H2AJ: variants seen among roughly 807,000 people sequenced by gnomAD.
The protein encoded by H2AJ is H2A.J histone.
H2AJ carries 3 observed loss-of-function variants against 7.9 expected under a neutral mutation model. The observed-to-expected ratio is 0.38, with a 90% confidence interval of 0.17 to 0.98. The LOEUF (loss-of-function observed/expected upper bound fraction) is 0.98, where lower values mean the gene tolerates loss of function less well. Among genes scored for constraint, H2AJ ranks in the 50% least tolerant of loss-of-function variants. The pLI, the probability that H2AJ is intolerant of heterozygous loss-of-function variation, is 0.39. For synonymous variants in H2AJ, 98 were observed against 85.7 expected (o/e 1.14, Z -0.79); for missense variants, 128 against 174.4 (o/e 0.73, Z 1.50).
At chr12:14,776,671 T>C (rs1289327969), downstream of H2AJ, 1 of 167,102 alleles carries the variant, frequency 6.0e-6, no homozygotes, top group Admixed American at 6.5e-5. Context: ...TTTATCCTTA[T>C]AGGTTAAATT....
downstream of H2AJ, chr12:14,775,174 G>A (rs1003914293): frequency 2.0e-6 from 1 of 489,414 alleles, no homozygotes; most frequent in Non-Finnish European, 4.1e-6. Context: ...AGGCGTCAGG[G>A]GAGGGTGGCC....
At chr12:14,775,470 C>A, downstream of H2AJ, 1 of 470,644 alleles carries the variant, frequency 2.1e-6, no homozygotes, top group Non-Finnish European at 4.4e-6. Context: ...TTCTTCCTAG[C>A]CTAGTAGCTG....
In H2AJ at chr12:14,774,548, C is replaced by T. The variant is rs767886786; in HGVS notation, c.78C>T (p.Phe26=). The change falls in exon 1 of 1, where the codon TTC becomes TTT. Residue 26 remains phenylalanine (F), a synonymous_variant. Transcript: ENST00000544848. ...GCTCCTCCCGCGCGGGCCTGCAGTT[C>T]CCGGTGGGCCGAGTGCACAGACTGC... ...KSRSSRAGLQ[F]PVGRVHRLLR... 6 of 1,612,974 alleles carry T rather than the reference C, an allele frequency of 3.7e-6. No homozygotes were observed. Among genetic ancestry groups the T allele is most frequent in the Non-Finnish European group, 5.1e-6 (6 of 1,179,540 alleles).
At chr12:14,775,677 G>T, downstream of H2AJ, 1 of 312,472 alleles carries the variant, frequency 3.2e-6, no homozygotes, top group Non-Finnish European at 6.6e-6. Flanking sequence ...ATGTTGTCAA[G>T]TTTCTAGCTT....
rs1949605721 is a variant in H2AJ, at chr12:14,774,653, G to A, written c.183G>A (p.Ala61=). The A allele has an allele frequency of 3.7e-6, 6 of 1,614,170 alleles. No homozygotes were observed. Among genetic ancestry groups the A allele is most frequent in the Non-Finnish European group, 5.1e-6 (6 of 1,180,032 alleles). ...CGGCGGTGTTGGAGTACCTTACGGC[G>A]GAGATCCTGGAGCTGGCTGGCAACG... is the stretch of plus-strand genomic sequence containing the variant. ...YLAAVLEYLT[A]EILELAGNAA... The change falls in exon 1 of 1, where the codon GCG becomes GCA. Residue 61 remains alanine, a synonymous_variant. Coordinates refer to ENST00000544848, the MANE Select transcript of H2AJ (RefSeq NM_177925.5).
chr12:14,774,877 A>G lies in H2AJ; in HGVS notation c.*17A>G. 6.2e-7 allele frequency: 1 copy of G among 1,610,212 alleles called. No homozygotes were observed. The highest frequency in any genetic ancestry group is 8.5e-7 in the Non-Finnish European group (1 of 1,177,964). Reference sequence around the variant, plus strand: ...AGCAAATGACCCTGACGCCGCCCTCAGGGAGCTGGCTCCCCCAGCAAAGGC... The same window carrying G: ...AGCAAATGACCCTGACGCCGCCCTCGGGGAGCTGGCTCCCCCAGCAAAGGC... On this transcript the variant is annotated 3_prime_UTR_variant, in exon 1 of 1. Coordinates refer to ENST00000544848, the MANE Select transcript of H2AJ (RefSeq NM_177925.5).
downstream of H2AJ, chr12:14,775,417 C>T: frequency 2.1e-6 from 1 of 471,206 alleles, no homozygotes; most frequent in Non-Finnish European, 4.4e-6. Flanking sequence ...AGTAACTTTC[C>T]GTCTTGGAAG....
downstream of H2AJ, chr12:14,775,048 C>T (rs911883451): frequency 1.3e-5 from 9 of 668,750 alleles, no homozygotes; most frequent in African/African-American, 1.4e-4. Flanking sequence ...GCTGTGTAGT[C>T]GCGGGGACAT....
chr12:14,776,630 A>G (rs560404843), downstream of H2AJ: 5 of 167,240 alleles, frequency 3.0e-5, no homozygotes, highest in East Asian at 1.9e-4. Flanking sequence ...CAATAAATGG[A>G]AAAAAGTACC....
In H2AJ at chr12:14,774,581, AG is replaced by A; in HGVS notation, c.114del (p.Asn39ThrfsTer41). The A allele has an allele frequency of 1.2e-6, 2 of 1,613,924 alleles. No individual in the cohort carries two copies. The highest frequency in any genetic ancestry group is 1.7e-6 in the Non-Finnish European group (2 of 1,179,972). ...GCCGAGTGCACAGACTGCTGCGCAAAGGGAACTACGCGGAGCGAGTGGGCGC... is the reference window on the plus strand; with the variant it reads ...GCCGAGTGCACAGACTGCTGCGCAAAGGAACTACGCGGAGCGAGTGGGCGC... ...VGRVHRLLRK[G>X]NYAERVGAGA... On this transcript the variant is annotated frameshift_variant, in exon 1 of 1. Coordinates refer to ENST00000544848, the MANE Select transcript of H2AJ (RefSeq NM_177925.5). LOFTEE classifies it high-confidence loss of function.
downstream of H2AJ, chr12:14,775,614 T>C (rs1225406242): frequency 1.1e-5 from 4 of 363,798 alleles, no homozygotes; most frequent in Admixed American, 3.8e-5. Flanking sequence ...TCATATTGCA[T>C]AACATTGCAG....
chr12:14,774,623 C>T lies in H2AJ; in HGVS notation c.153C>T (p.Tyr51=). 1.9e-6 allele frequency: 3 copies of T among 1,614,066 alleles called. No homozygotes were observed. Among genetic ancestry groups the T allele is most frequent in the Non-Finnish European group, 2.5e-6 (3 of 1,179,980 alleles). ...GAGTGGGCGCCGGGGCGCCGGTGTA[C>T]CTGGCGGCGGTGTTGGAGTACCTTA... The part of the protein sequence containing the change: ...AERVGAGAPV[Y]LAAVLEYLTA... The change falls in exon 1 of 1, where the codon TAC becomes TAT. Residue 51 remains tyrosine, a synonymous_variant. Coordinates refer to ENST00000544848, the MANE Select transcript of H2AJ (RefSeq NM_177925.5).
At chr12:14,775,036 G>C, downstream of H2AJ, 1 of 749,718 alleles carries the variant, frequency 1.3e-6, no homozygotes, top group Non-Finnish European at 2.2e-6. Context: ...TTGGTCGAGA[G>C]AGCTGTGTAG....
At chr12:14,775,185 T>G, downstream of H2AJ, 1 of 483,990 alleles carries the variant, frequency 2.1e-6, no homozygotes, top group East Asian at 5.3e-5. Flanking sequence ...GAGGGTGGCC[T>G]GGAGGTGGGC....
chr12:14,777,172 G>C (rs1206550138), downstream of H2AJ: 3 of 166,912 alleles, frequency 1.8e-5, no homozygotes, highest in African/African-American at 7.2e-5. Flanking sequence ...CATGATCCAT[G>C]ATGAACAAAC....
At position 14,774,869 on chromosome 12, in the gene H2AJ, C is replaced by T. The variant is rs1297563234; in HGVS notation, c.*9C>T. 2 of 1,611,872 alleles carry T rather than the reference C, an allele frequency of 1.2e-6. No homozygotes were observed. Among genetic ancestry groups the T allele is most frequent in the Non-Finnish European group, 1.7e-6 (2 of 1,178,810 alleles). On this transcript the variant is annotated 3_prime_UTR_variant, in exon 1 of 1. Coordinates refer to ENST00000544848, the MANE Select transcript of H2AJ (RefSeq NM_177925.5). ...AGACGAAGAGCAAATGACCCTGACGCCGCCCTCAGGGAGCTGGCTCCCCCA... is the reference window on the plus strand; with the variant it reads ...AGACGAAGAGCAAATGACCCTGACGTCGCCCTCAGGGAGCTGGCTCCCCCA...
downstream of H2AJ, chr12:14,775,097 C>A (rs1421964980): frequency 1.2e-5 from 7 of 569,896 alleles, no homozygotes; most frequent in Non-Finnish European, 1.9e-5. Context: ...CCGGGAAACC[C>A]CTGGAGCAGG....
downstream of H2AJ, chr12:14,776,441 C>G: frequency 6.0e-6 from 1 of 167,252 alleles, no homozygotes; most frequent in Non-Finnish European, 1.5e-5. Flanking sequence ...AATTACTTCT[C>G]CCATGTTGCC....
At chr12:14,776,257 C>T (rs1055148841), downstream of H2AJ, 1 of 167,072 alleles carries the variant, frequency 6.0e-6, no homozygotes, top group African/African-American at 2.4e-5. Flanking sequence ...AGGCTCTGTA[C>T]AAAGTGATAG....
Sources: gnomAD v4.1 joint callset for allele counts on GRCh38, gnomAD v4.1.1 for gene constraint, MANE v1.5 for transcripts, NCBI Gene and HGNC (gene_info 2026-07-23, HGNC 2026-07-21) for gene names.